Variants in CTNND2 observed in about 807,000 individuals in gnomAD.
CTNND2 encodes the protein catenin delta-2.
CTNND2 carries 22 observed loss-of-function variants against 144.4 expected under a neutral mutation model. The observed-to-expected ratio is 0.15, with a 90% confidence interval of 0.11 to 0.22. The LOEUF (loss-of-function observed/expected upper bound fraction) is 0.22, where lower values mean the gene tolerates loss of function less well. Among genes scored for constraint, CTNND2 ranks in the 10% least tolerant of loss-of-function variants. The pLI is 1.00. For synonymous variants in CTNND2, 751 were observed against 695.6 expected, an observed-to-expected ratio of 1.08 and a Z score of -1.25; for missense variants, 1,353 against 1,618.8, an observed-to-expected ratio of 0.84 and a Z score of 2.82.
intron 2 of CTNND2, among the ~76,000 whole-genome samples, chr5:11,568,873 G>T (rs1777335912): frequency 6.6e-6 from 1 of 152,182 alleles, no homozygotes; most frequent in African/African-American, 2.4e-5. Flanking sequence ...TATACAAGAA[G>T]TTAACTGGAA....
intron 8 of CTNND2, among the ~76,000 whole-genome samples, chr5:11,352,549 C>T (rs545328222): frequency 1.6e-3 from 237 of 152,226 alleles, no homozygotes; most frequent in Non-Finnish European, 2.2e-3. Context: ...TATCCTGAAA[C>T]TTAAACAACA....
In CTNND2 at chr5:11,541,804, C is replaced by T. The variant is rs964891260; in HGVS notation, c.287+23140G>A. 2.6e-5 allele frequency among the ~76,000 whole-genome samples: 4 copies of T among 151,012 alleles called. No individual in the cohort carries two copies. In the South Asian group the frequency reaches 8.4e-4, roughly 32 times the overall value. On this transcript the variant is annotated intron_variant, in intron 3 of 21. Coordinates refer to ENST00000304623, the MANE Select transcript of CTNND2 (RefSeq NM_001332.4). The stretch of plus-strand genomic sequence containing the variant: ...TATGGTACAAGGCTCCTAATCCTCA[C>T]GAGTCAGATTTGTCAACTTATTATT...
At chr5:11,894,196 C>A (rs1737215857) in intron 1 of CTNND2, among the ~76,000 whole-genome samples, 1 of 149,796 alleles carries the variant, frequency 6.7e-6, no homozygotes, top group East Asian at 2.0e-4. Context: ...GACGCGGCAG[C>A]CCACCAAGAG....
intron 12 of CTNND2, among the ~76,000 whole-genome samples, chr5:11,126,285 G>C (rs1049261871): frequency 6.6e-5 from 10 of 152,094 alleles, no homozygotes; most frequent in Admixed American, 2.0e-4. Flanking sequence ...TGGGCAACAA[G>C]AGTGAAACTC....
At chr5:11,380,569 T>C (rs6554626) in intron 7 of CTNND2, among the ~76,000 whole-genome samples, 110,584 of 152,156 alleles carry the variant, frequency 0.73, 40,822 homozygotes, top group African/African-American at 0.84. Flanking sequence ...AAAGCAGATA[T>C]GATTTTTTTA....
intron 3 of CTNND2, among the ~76,000 whole-genome samples, chr5:11,474,624 A>C (rs967140435): frequency 6.6e-6 from 1 of 152,226 alleles, no homozygotes; most frequent in Non-Finnish European, 1.5e-5. Context: ...GTGTCTCCTT[A>C]GGGATAGCAA....
intron 9 of CTNND2, among the ~76,000 whole-genome samples, chr5:11,246,406 G>GAAGACA (rs1262903413): frequency 3.3e-5 from 5 of 152,090 alleles, no homozygotes; most frequent in African/African-American, 1.2e-4. Flanking sequence ...AGAGACAAAG[G>GAAGACA]AAGACACAGA....
intron 2 of CTNND2, among the ~76,000 whole-genome samples, chr5:11,655,766 T>C (rs546062073): frequency 1.1e-3 from 162 of 152,210 alleles, no homozygotes; most frequent in Non-Finnish European, 1.7e-3. Flanking sequence ...CCTAAGAAGC[T>C]TTCATACATT....
In CTNND2 at chr5:11,662,231, A is replaced by ATG. The variant is rs1561669400; in HGVS notation, c.174+69903_174+69904dup. Among the ~76,000 whole-genome samples, 7 of 143,414 alleles carry ATG rather than the reference A, an allele frequency of 4.9e-5. 1 individual carries two copies. Among genetic ancestry groups the ATG allele is most frequent in the African/African-American group, 1.6e-4 (6 of 38,466 alleles). 94.1% of individuals were successfully genotyped at this position (143,414 alleles called of 152,430 possible). A position where few individuals can be genotyped will look rare whatever the true frequency, so the allele number is the denominator to read the frequency against. On this transcript the variant is annotated intron_variant, in intron 2 of 21. Coordinates refer to ENST00000304623, the MANE Select transcript of CTNND2 (RefSeq NM_001332.4). Reference sequence around the variant, plus strand: ...TATATATATACATATATGTGTATATATGTATATATATACATATATGTGTGT... The same window carrying ATG: ...TATATATATACATATATGTGTATATATGTGTATATATATACATATATGTGTGT...
chr5:11,205,171 G>A (rs943271455), intron 10 of CTNND2, among the ~76,000 whole-genome samples: 7 of 151,836 alleles, frequency 4.6e-5, no homozygotes, highest in East Asian at 1.9e-4. Context: ...CAAGACTATC[G>A]CTACATACTA....
At chr5:11,428,843 C>T (rs1763020264) in intron 3 of CTNND2, among the ~76,000 whole-genome samples, 1 of 152,162 alleles carries the variant, frequency 6.6e-6, no homozygotes, top group South Asian at 2.1e-4. Flanking sequence ...TTTGTATAAC[C>T]TCATTTGGAA....
Position 11,771,074 on chromosome 5 carries a change from C to T in CTNND2, c.38-38802G>A, listed in dbSNP as rs573572994. On this transcript the variant is annotated intron_variant, in intron 1 of 21. Transcript: ENST00000304623. ...TCCTAGTAACATACTCATAAAATCA[C>T]GATATACATATGAAATGGAAGGCTT... is the stretch of plus-strand genomic sequence containing the variant. 1.9e-4 allele frequency among the ~76,000 whole-genome samples: 29 copies of T among 151,814 alleles called. No individual in the cohort carries two copies. The South Asian group carries it at 3.3e-3, about 17-fold the overall frequency.
intron 3 of CTNND2, among the ~76,000 whole-genome samples, chr5:11,502,195 T>A (rs199547626): frequency 1.0e-5 from 1 of 95,520 alleles, no homozygotes. Context: ...GAGAAATAAA[T>A]GTTTGTTGTT....
intron 1 of CTNND2, among the ~76,000 whole-genome samples, chr5:11,893,605 A>G (rs1265692176): frequency 6.6e-6 from 1 of 152,200 alleles, no homozygotes; most frequent in African/African-American, 2.4e-5. Context: ...CTAGCTCATG[A>G]AAACATCCTC....
chr5:11,012,547 A>T (rs940069940), intron 18 of CTNND2, among the ~76,000 whole-genome samples: 3 of 152,188 alleles, frequency 2.0e-5, no homozygotes, highest in African/African-American at 7.2e-5. Context: ...CGCATCTGAA[A>T]CCTGGTGAAT....
intron 3 of CTNND2, among the ~76,000 whole-genome samples, chr5:11,482,769 C>G (rs914666409): frequency 1.3e-5 from 2 of 152,024 alleles, no homozygotes; most frequent in African/African-American, 4.8e-5. Context: ...ACTGTTGTAG[C>G]AAATGAGAAG....
At chr5:11,682,324 A>G (rs2126630327) in intron 2 of CTNND2, among the ~76,000 whole-genome samples, 1 of 152,330 alleles carries the variant, frequency 6.6e-6, no homozygotes, top group African/African-American at 2.4e-5. Context: ...TGACAGAGAA[A>G]GCCGAGGTGT....
chr5:11,392,767 CTTCTAAATG>C (rs1759747840), intron 6 of CTNND2, among the ~76,000 whole-genome samples: 1 of 152,186 alleles, frequency 6.6e-6, no homozygotes, highest in Admixed American at 6.5e-5. Context: ...TATGAATTCT[CTTCTAAATG>C]TTGCATAGTG....
chr5:11,876,865 T>A (rs914903939), intron 1 of CTNND2, among the ~76,000 whole-genome samples: 2 of 152,206 alleles, frequency 1.3e-5, no homozygotes, highest in Non-Finnish European at 2.9e-5. Flanking sequence ...ATAAGCCACA[T>A]TTAACATCAT....
Sources: allele counts gnomAD v4.1 joint callset (sites outside exome capture counted in the v4.1 genomes callset), GRCh38; gene constraint gnomAD v4.1.1; transcripts MANE v1.5; gene names NCBI Gene and HGNC (gene_info 2026-07-23, HGNC 2026-07-21).